C8orf89: variants seen among roughly 807,000 people sequenced by gnomAD.
The protein encoded by C8orf89 is chromosome 8 open reading frame 89, also known as putative uncharacterized protein C8orf89.
A neutral mutation model predicts 15.8 loss-of-function variants in C8orf89; 14 were observed. The observed-to-expected ratio is 0.89, with a 90% CI of 0.59 to 1.39. C8orf89 has a LOEUF of 1.39. Among genes scored for constraint, C8orf89 ranks in the 40% most tolerant of loss-of-function variants. The pLI is 0.00. For missense variants in C8orf89, 181 were observed against 184.5 expected, an observed-to-expected ratio of 0.98 and a Z score of 0.11; for synonymous variants, 55 against 62.2, an observed-to-expected ratio of 0.88 and a Z score of 0.54.
At chr8:73,282,609 T>C in the C8orf89 span, among the ~76,000 whole-genome samples, 3 of 152,200 alleles carry the variant, frequency 2.0e-5, no homozygotes, top group African/African-American at 7.2e-5. Context: ...GACAAAGTGG[T>C]CTATATTTTC....
the C8orf89 span, among the ~76,000 whole-genome samples, chr8:73,271,426 G>A: frequency 6.6e-6 from 1 of 152,120 alleles, no homozygotes; most frequent in Non-Finnish European, 1.5e-5. Context: ...TACATCTCAG[G>A]AGAGGGAGTT....
intron 3 of C8orf89, among the ~76,000 whole-genome samples, chr8:73,244,122 A>G (rs1223639062): frequency 6.6e-6 from 1 of 152,216 alleles, no homozygotes; most frequent in Non-Finnish European, 1.5e-5. Context: ...TTTCTCATAA[A>G]TGCTAAGTGA....
At chr8:73,284,647 A>T in the C8orf89 span, among the ~76,000 whole-genome samples, 1 of 152,228 alleles carries the variant, frequency 6.6e-6, no homozygotes, top group Non-Finnish European at 1.5e-5. Context: ...AAGTAAAGAA[A>T]GGCATAGACC....
chr8:73,244,624 AGTT>A (rs200875236), intron 3 of C8orf89, among the ~76,000 whole-genome samples: 2,097 of 152,320 alleles, frequency 0.014, 32 homozygotes, highest in African/African-American at 0.043. Context: ...TCTCCAGTGT[AGTT>A]GTTATTTTTC....
chr8:73,266,102 G>T, the C8orf89 span, among the ~76,000 whole-genome samples: 1 of 152,176 alleles, frequency 6.6e-6, no homozygotes, highest in African/African-American at 2.4e-5. Context: ...AAACACTAAT[G>T]AAGGTATCTT....
chr8:73,252,489 G>T (rs1813270921), intron 2 of C8orf89, among the ~76,000 whole-genome samples: 1 of 151,988 alleles, frequency 6.6e-6, no homozygotes, highest in East Asian at 1.9e-4. Context: ...CAATAAAAAT[G>T]GATATGTTAT....
At chr8:73,259,899 T>C (rs1173333597), upstream of C8orf89, among the ~76,000 whole-genome samples, 1 of 152,180 alleles carries the variant, frequency 6.6e-6, no homozygotes, top group Non-Finnish European at 1.5e-5. Flanking sequence ...ACATTATCTA[T>C]TACATGCAAG....
the C8orf89 span, among the ~76,000 whole-genome samples, chr8:73,271,266 C>T: frequency 1.3e-5 from 2 of 152,154 alleles, no homozygotes; most frequent in Admixed American, 6.5e-5. Context: ...CTGACTTTTA[C>T]CCCCAGTGTG....
chr8:73,262,371 A>G (rs966745945), upstream of C8orf89, among the ~76,000 whole-genome samples: 1 of 152,198 alleles, frequency 6.6e-6, no homozygotes, highest in African/African-American at 2.4e-5. Context: ...CAGCCCTCTT[A>G]GTGGCATTTT....
intron 2 of C8orf89, among the ~76,000 whole-genome samples, chr8:73,253,261 G>A (rs919086956): frequency 3.9e-5 from 6 of 152,206 alleles, no homozygotes; most frequent in Non-Finnish European, 8.8e-5. Flanking sequence ...CCTCTGGAGA[G>A]TTTTCTTTTA....
the C8orf89 span, among the ~76,000 whole-genome samples, chr8:73,264,816 C>A: frequency 6.6e-6 from 1 of 152,100 alleles, no homozygotes; most frequent in South Asian, 2.1e-4. Context: ...GCTGAGATCT[C>A]AATGGACCAG....
chr8:73,248,594 T>C (rs1285294074), intron 3 of C8orf89, among the ~76,000 whole-genome samples: 1 of 152,186 alleles, frequency 6.6e-6, no homozygotes, highest in Admixed American at 6.5e-5. Flanking sequence ...TTTCTACTTG[T>C]TTGTGTCATC....
the C8orf89 span, among the ~76,000 whole-genome samples, chr8:73,280,883 A>C: frequency 6.6e-6 from 1 of 152,036 alleles, no homozygotes; most frequent in Non-Finnish European, 1.5e-5. Flanking sequence ...AGTCAATAAA[A>C]AATTCATTCT....
the C8orf89 span, among the ~76,000 whole-genome samples, chr8:73,284,755 A>G: frequency 1.3e-5 from 2 of 152,208 alleles, no homozygotes; most frequent in Non-Finnish European, 2.9e-5. Context: ...AAAAAAGGAA[A>G]TGTCAGAGTA....
At chr8:73,280,734 T>C in the C8orf89 span, among the ~76,000 whole-genome samples, 3 of 149,864 alleles carry the variant, frequency 2.0e-5, no homozygotes, top group Non-Finnish European at 1.5e-5. Context: ...TATATACACA[T>C]ATATATATAC....
chr8:73,258,409 C>CAAA (rs34265425), intron 1 of C8orf89, among the ~76,000 whole-genome samples: 85 of 69,014 alleles, frequency 1.2e-3, no homozygotes, highest in East Asian at 1.7e-3. Flanking sequence ...GACTCCATCT[C>CAAA]AAAAAAAAAA....
In C8orf89 at chr8:73,241,605, C is replaced by T. The variant is rs1283326561; in HGVS notation, c.338G>A (p.Gly113Asp). The T allele has an allele frequency of 6.7e-6, 10 of 1,501,174 alleles. No homozygotes were observed. Among genetic ancestry groups the T allele is most frequent in the Non-Finnish European group, 2.7e-6 (3 of 1,129,028 alleles). 93.0% of individuals were successfully genotyped at this position (1,501,174 alleles called of 1,614,324 possible). A position where few individuals can be genotyped will look rare whatever the true frequency, so the allele number is the denominator to read the frequency against. The change falls in exon 4 of 4, where the codon GGT becomes GAT. Residue 113 changes from glycine (G) to aspartate (D), a missense_variant and splice_region_variant. Coordinates refer to ENST00000624510, the MANE Select transcript of C8orf89 (RefSeq NM_001243237.3). ...AGTGAGAGGATCACTGAAGCCAGAA[C>T]CTGGAGGAGGAGGTGGGGAGTCAGC... ...SVAPLWEKSKGSGFSDPLTGA... is the reference protein window; with the variant it reads ...SVAPLWEKSKDSGFSDPLTGA...
Position 73,257,094 on chromosome 8 carries a change from T to G in C8orf89, c.160A>C (p.Lys54Gln), listed in dbSNP as rs1468284884. 6.5e-7 allele frequency: 1 copy of G among 1,535,452 alleles called. No homozygotes were observed. The highest frequency in any genetic ancestry group is 8.7e-7 in the Non-Finnish European group (1 of 1,146,424). ...AAATATGGCATTTTGATACATTCCT[T>G]GAGCTCTTCTAGACCAAATGCTGTG... ...YTTAFGLEEL[K>Q]ECIKMPYLPG... The change falls in exon 2 of 4, where the codon AAG (lysine) becomes CAG (glutamine). Residue 54 changes from lysine to glutamine, a missense_variant. Physicochemically the swap from Lys to Gln is moderately conservative, Grantham distance 53. Transcript: ENST00000624510.
intron 3 of C8orf89, among the ~76,000 whole-genome samples, chr8:73,242,086 G>T (rs925471559): frequency 2.6e-5 from 4 of 152,166 alleles, no homozygotes; most frequent in African/African-American, 9.7e-5. Context: ...AGTGGTCAAA[G>T]ATTTCCTGAG....
Sources: allele counts gnomAD v4.1 joint callset (sites outside exome capture counted in the v4.1 genomes callset), GRCh38; gene constraint gnomAD v4.1.1; transcripts MANE v1.5; gene names NCBI Gene and HGNC (gene_info 2026-07-23, HGNC 2026-07-21).